Variants in C1orf159 observed in about 807,000 individuals in gnomAD.
C1orf159 encodes the protein uncharacterized protein C1orf159.
In C1orf159, 19 loss-of-function variants were observed where a neutral mutation model predicts 25.6. The ratio of observed to expected loss-of-function variants is 0.74; its 90% CI spans 0.52 to 1.09. The LOEUF is 1.09. C1orf159 is among the 50% of genes least tolerant of loss of function. The pLI is 0.00. For synonymous variants in C1orf159, 139 were observed against 124.7 expected, an observed-to-expected ratio of 1.12 and a Z score of -0.77; for missense variants, 274 against 290.6, an observed-to-expected ratio of 0.94 and a Z score of 0.42.
intron 1 of C1orf159, among the ~76,000 whole-genome samples, chr1:1,103,129 C>T (rs1194968376): frequency 6.6e-6 from 1 of 152,176 alleles, no homozygotes; most frequent in Non-Finnish European, 1.5e-5. Flanking sequence ...AGGCGTGAGC[C>T]ACCACGCCCA....
In C1orf159 at chr1:1,082,756, G is replaced by T; in HGVS notation, c.*137C>A. The T allele has an allele frequency of 1.3e-6, 1 of 773,562 alleles. No individual in the cohort carries two copies. Among genetic ancestry groups the T allele is most frequent in the Non-Finnish European group, 2.2e-6 (1 of 463,198 alleles). 47.9% of individuals were successfully genotyped at this position (773,562 alleles called of 1,614,324 possible). On this transcript the variant is annotated 3_prime_UTR_variant, in exon 10 of 10. Coordinates refer to ENST00000421241, the MANE Select transcript of C1orf159 (RefSeq NM_017891.5). The stretch of plus-strand genomic sequence containing the variant: ...CCTTTGGCGTCCGTCGCTGGGAGGC[G>T]GAGGGACTCAGAGCCGAGGCTGTGC...
chr1:1,098,681 C>T (rs1031050364), intron 1 of C1orf159, among the ~76,000 whole-genome samples: 21 of 152,258 alleles, frequency 1.4e-4, no homozygotes, highest in Admixed American at 7.8e-4. Context: ...TGCAGTGGCA[C>T]GATCTCGGGT....
chr1:1,103,661 GA>G (rs2100767647), intron 1 of C1orf159, among the ~76,000 whole-genome samples: 1 of 152,176 alleles, frequency 6.6e-6, no homozygotes, highest in South Asian at 2.1e-4. Context: ...TCTCTTTTTC[GA>G]GGAGCTATGG....
At chr1:1,086,891 C>T (rs895892432) in intron 6 of C1orf159, among the ~76,000 whole-genome samples, 1 of 152,272 alleles carries the variant, frequency 6.6e-6, no homozygotes, top group South Asian at 2.1e-4. Context: ...TGAGAGAGTG[C>T]GGTGTGGCCA....
At chr1:1,085,733 C>G in intron 7 of C1orf159, 145 bp downstream of exon 7, 1 of 1,085,386 alleles carries the variant, frequency 9.2e-7, no homozygotes, top group Admixed American at 2.9e-5. Flanking sequence ...CACCGGGACC[C>G]AAAAGCCACA....
intron 1 of C1orf159, among the ~76,000 whole-genome samples, chr1:1,095,159 C>T (rs377603913): frequency 6.6e-6 from 1 of 152,182 alleles, no homozygotes; most frequent in Admixed American, 6.5e-5. Context: ...AATCAGGGCA[C>T]GTATCAGCTC....
At chr1:1,113,407 G>A (rs935928868) in intron 1 of C1orf159, among the ~76,000 whole-genome samples, 1 of 152,200 alleles carries the variant, frequency 6.6e-6, no homozygotes, top group Non-Finnish European at 1.5e-5. Context: ...GTGGTGAGAA[G>A]AGGTGGCTCT....
At chr1:1,113,703 C>A (rs4970407) in intron 1 of C1orf159, among the ~76,000 whole-genome samples, 15,578 of 152,126 alleles carry the variant, frequency 0.1, 943 homozygotes, top group East Asian at 0.21. Flanking sequence ...GGAAGTAAAG[C>A]GCCCTTGGAA....
chr1:1,096,013 T>C (rs1010836704), intron 1 of C1orf159, among the ~76,000 whole-genome samples: 1 of 152,362 alleles, frequency 6.6e-6, no homozygotes, highest in South Asian at 2.1e-4. Flanking sequence ...ATCACTAGGA[T>C]AAACCACACT....
In C1orf159 at chr1:1,084,252, T is replaced by C. The variant is rs539261320; in HGVS notation, c.502+101A>G. 4.6e-6 allele frequency: 7 copies of C among 1,518,582 alleles called. No individual in the cohort carries two copies. The Admixed American group carries it at 1.6e-4, about 34-fold the overall frequency. The allele number at this position is 1,518,582 out of a possible 1,614,324, so 94.1% of individuals were successfully genotyped here. A position where few individuals can be genotyped will look rare whatever the true frequency, so the allele number is the denominator to read the frequency against. ...GGGACCCGGGCAGGGGTGGCCGAGA[T>C]CCAGAGCCAGGCAAACCCGTTTGGG... On this transcript the variant is annotated intron_variant, in intron 9 of 9. Transcript: ENST00000421241.
rs1443377910 is a variant in C1orf159, at chr1:1,091,994, C to A, written c.-26G>T. The A allele has an allele frequency of 2.2e-6, 1 of 458,246 alleles. No homozygotes were observed. The highest frequency in any genetic ancestry group is 6.9e-5 in the East Asian group (1 of 14,526). The allele number at this position is 458,246 out of a possible 1,614,324, so 28.4% of individuals were successfully genotyped here. A position where few individuals can be genotyped will look rare whatever the true frequency, so the allele number is the denominator to read the frequency against. On this transcript the variant is annotated 5_prime_UTR_variant, in exon 2 of 10. Transcript: ENST00000421241. The stretch of plus-strand genomic sequence containing the variant: ...CGAGGTGTAGGCAGGGCCTTACCTG[C>A]CCCTCCAGGATGGGGACTACCGACA...
chr1:1,087,105 C>A lies in C1orf159; in HGVS notation c.310+34G>T. ...CCGACGGCCCCCAGCCCCCAGGACA[C>A]CGGCAGAGGTGGCTGTGGCCTGCTG... On this transcript the variant is annotated intron_variant, in intron 6 of 9. Transcript: ENST00000421241. The surrounding 1 kb of genome is among the most constrained non-coding windows in gnomAD (Gnocchi z 8.3). 1 of 1,594,292 alleles carries A rather than the reference C, an allele frequency of 6.3e-7. No individual in the cohort carries two copies. The highest frequency in any genetic ancestry group is 2.2e-5 in the East Asian group (1 of 44,720).
rs982375214 is a variant in C1orf159, at chr1:1,085,774, CA to C, written c.445+103del. The C allele has an allele frequency of 9.0e-6, 13 of 1,441,410 alleles. No homozygotes were observed. In the African/African-American group the frequency reaches 1.8e-4, roughly 20 times the overall value. 89.3% of individuals were successfully genotyped at this position (1,441,410 alleles called of 1,614,324 possible). On this transcript the variant is annotated intron_variant, in intron 7 of 9. Coordinates refer to ENST00000421241, the MANE Select transcript of C1orf159 (RefSeq NM_017891.5). ...GGCCCTGCTCCCTCCCGGCCTCTGC[CA>C]GCCTGCTCTGGCCTGGGACACTCCA...
chr1:1,105,097 G>A (rs887104068), intron 1 of C1orf159, among the ~76,000 whole-genome samples: 3 of 152,268 alleles, frequency 2.0e-5, no homozygotes, highest in African/African-American at 7.2e-5. Context: ...GTAGGCGGCA[G>A]GGTTAGGCCC....
Position 1,087,066 on chromosome 1 carries a change from G to T in C1orf159, c.310+73C>A. ...CTGCTGTGGCTGCGTCAAGGGTGAG[G>T]GTCTGCACTGGCTCCGACGGCCCCC... On this transcript the variant is annotated intron_variant, in intron 6 of 9. Transcript: ENST00000421241. This position sits in a 1 kb window ranked among gnomAD's most constrained non-coding sequence, Gnocchi z 8.3. 1 of 1,431,168 alleles carries T rather than the reference G, an allele frequency of 7.0e-7. No individual in the cohort carries two copies. Among genetic ancestry groups the T allele is most frequent in the Admixed American group, 1.8e-5 (1 of 54,730 alleles). 88.7% of individuals were successfully genotyped at this position (1,431,168 alleles called of 1,614,324 possible).
chr1:1,083,099 C>T (rs953321128), intron 9 of C1orf159, 112 bp from the exon 10 acceptor site: 17 of 871,980 alleles, frequency 1.9e-5, no homozygotes, highest in South Asian at 1.1e-4. Flanking sequence ...CACAGGCGCC[C>T]GGGGCTGTTT....
chr1:1,103,426 G>A (rs796846154), intron 1 of C1orf159, among the ~76,000 whole-genome samples: 54 of 152,358 alleles, frequency 3.5e-4, no homozygotes, highest in African/African-American at 1.3e-3. Context: ...GTTACATTGT[G>A]AAGACACTGG....
chr1:1,088,971 G>A (rs994073436), intron 4 of C1orf159, among the ~76,000 whole-genome samples: 5 of 152,202 alleles, frequency 3.3e-5, no homozygotes, highest in Non-Finnish European at 5.9e-5. Flanking sequence ...CACAGGGCTC[G>A]GGCGACTTCA....
At chr1:1,094,425 A>G (rs6689308) in intron 1 of C1orf159, among the ~76,000 whole-genome samples, 41,812 of 148,754 alleles carry the variant, frequency 0.28, 7,646 homozygotes, top group African/African-American at 0.53. Context: ...TTTTTTTTGA[A>G]TTGGAGTCTC....
Sources: allele counts gnomAD v4.1 joint callset (sites outside exome capture counted in the v4.1 genomes callset), GRCh38; gene constraint gnomAD v4.1.1; non-coding constraint Gnocchi (gnomAD v3.1); transcripts MANE v1.5; gene names NCBI Gene and HGNC (gene_info 2026-07-23, HGNC 2026-07-21).